Variants in GNAQ observed in about 807,000 individuals in gnomAD.
The protein encoded by GNAQ is G protein subunit alpha q.
A neutral mutation model predicts 43.9 loss-of-function variants in GNAQ; 8 were observed. The ratio of observed to expected loss-of-function variants is 0.18; its 90% CI spans 0.11 to 0.33. The LOEUF (loss-of-function observed/expected upper bound fraction) is 0.33, where lower values mean the gene tolerates loss of function less well. GNAQ is among the 10% of genes least tolerant of loss of function. The pLI is 1.00. For synonymous variants in GNAQ, 155 were observed against 170.7 expected, an observed-to-expected ratio of 0.91 and a Z score of 0.71; for missense variants, 158 against 450.8, an observed-to-expected ratio of 0.35 and a Z score of 5.88.
chr9:78,008,785 AT>A (rs1823738577), intron 1 of GNAQ, among the ~76,000 whole-genome samples: 1 of 151,980 alleles, frequency 6.6e-6, no homozygotes, highest in African/African-American at 2.4e-5. Context: ...CAGCCACCTA[AT>A]TTTTTGTATT....
intron 1 of GNAQ, among the ~76,000 whole-genome samples, chr9:77,999,954 A>G (rs1823623309): frequency 6.6e-6 from 1 of 152,228 alleles, no homozygotes. Context: ...GAGCCAAAAC[A>G]GGTTAATTTC....
At chr9:77,733,242 C>T (rs1825523260) in intron 5 of GNAQ, among the ~76,000 whole-genome samples, 1 of 152,174 alleles carries the variant, frequency 6.6e-6, no homozygotes, top group African/African-American at 2.4e-5. Flanking sequence ...TTTGAGCCAT[C>T]AGCAAAGGGT....
At chr9:77,945,209 T>A (rs1299155981) in intron 1 of GNAQ, among the ~76,000 whole-genome samples, 1 of 152,258 alleles carries the variant, frequency 6.6e-6, no homozygotes, top group African/African-American at 2.4e-5. Flanking sequence ...GATTTTCTTC[T>A]TTTAAGTGTT....
intron 1 of GNAQ, among the ~76,000 whole-genome samples, chr9:77,978,326 T>C (rs1337417533): frequency 6.6e-6 from 1 of 152,202 alleles, no homozygotes; most frequent in Non-Finnish European, 1.5e-5. Flanking sequence ...CTATTTTTAG[T>C]CCTTCAATTG....
intron 2 of GNAQ, among the ~76,000 whole-genome samples, chr9:77,861,195 C>T (rs1827844290): frequency 6.6e-6 from 1 of 152,162 alleles, no homozygotes. Flanking sequence ...CCAGTGTTTA[C>T]AACCATCAGT....
chr9:77,857,946 A>C (rs1431195926), intron 2 of GNAQ, among the ~76,000 whole-genome samples: 1 of 151,882 alleles, frequency 6.6e-6, no homozygotes, highest in African/African-American at 2.4e-5. Flanking sequence ...ATTTCCTTAC[A>C]AACTCCCCAA....
intron 3 of GNAQ, among the ~76,000 whole-genome samples, chr9:77,810,729 A>G (rs1165395866): frequency 1.3e-5 from 2 of 152,196 alleles, no homozygotes; most frequent in East Asian, 1.9e-4. Context: ...AATCACTTCT[A>G]TTATTTCATG....
At position 77,717,755 on chromosome 9, in the gene GNAQ, A is replaced by C. The variant is rs1564089452; in HGVS notation, c.*3568T>G. 1 of 232,040 alleles carries C rather than the reference A, an allele frequency of 4.3e-6. No homozygotes were observed. 14.4% of individuals were successfully genotyped at this position (232,040 alleles called of 1,614,324 possible). A position where few individuals can be genotyped will look rare whatever the true frequency, so the allele number is the denominator to read the frequency against. On this transcript the variant is annotated 3_prime_UTR_variant, in exon 7 of 7. Coordinates refer to ENST00000286548, the MANE Select transcript of GNAQ (RefSeq NM_002072.5). ...CCAAAAAAAAAAAAATACAAGTTTT[A>C]CGTGTTCTTCAGATTCCTTTTGTAG... is the stretch of plus-strand genomic sequence containing the variant.
chr9:77,731,442 T>G (rs1825487372), intron 5 of GNAQ, among the ~76,000 whole-genome samples: 1 of 152,012 alleles, frequency 6.6e-6, no homozygotes, highest in South Asian at 2.1e-4. Context: ...GCATGCAGTC[T>G]GGGGCTGCTC....
At chr9:77,855,150 A>G (rs1365057410) in intron 2 of GNAQ, among the ~76,000 whole-genome samples, 2 of 152,234 alleles carry the variant, frequency 1.3e-5, no homozygotes, top group African/African-American at 4.8e-5. Context: ...AGATGACATC[A>G]TAGTGAATAA....
At chr9:77,830,106 C>G (rs1827273205) in intron 2 of GNAQ, among the ~76,000 whole-genome samples, 1 of 152,164 alleles carries the variant, frequency 6.6e-6, no homozygotes, top group South Asian at 2.1e-4. Context: ...GCATGCGCCA[C>G]CATGGCTGAC....
intron 1 of GNAQ, among the ~76,000 whole-genome samples, chr9:78,007,484 C>T (rs780427218): frequency 2.6e-5 from 4 of 151,570 alleles, no homozygotes; most frequent in Non-Finnish European, 4.4e-5. Flanking sequence ...TGATTTACCA[C>T]GGGTTCTAAA....
intron 5 of GNAQ, among the ~76,000 whole-genome samples, chr9:77,763,579 A>C (rs1401694953): frequency 7.2e-5 from 11 of 152,244 alleles, no homozygotes; most frequent in Non-Finnish European, 1.0e-4. Flanking sequence ...ACTTTTCAGG[A>C]AGATAACTAT....
chr9:77,733,421 T>C (rs1441576708), intron 5 of GNAQ, among the ~76,000 whole-genome samples: 1 of 152,204 alleles, frequency 6.6e-6, no homozygotes, highest in African/African-American at 2.4e-5. Context: ...GCACTGTCTT[T>C]AATCTGAGCC....
chr9:77,991,350 A>C (rs1190238076), intron 1 of GNAQ, among the ~76,000 whole-genome samples: 2 of 152,158 alleles, frequency 1.3e-5, no homozygotes, highest in Admixed American at 6.5e-5. Flanking sequence ...AAGAGATACA[A>C]ACCACCGTGG....
rs551077375 is a variant in GNAQ at position 77,938,805 on chromosome 9, G to A, written c.137-16460C>T. Reference sequence around the variant, plus strand: ...TTTTCAGGGCATACAGGCTAGAAGCGCGATTCTGGAAAGCTTCTTCCTGGG... The same window carrying A: ...TTTTCAGGGCATACAGGCTAGAAGCACGATTCTGGAAAGCTTCTTCCTGGG... On this transcript the variant is annotated intron_variant, in intron 1 of 6. Coordinates refer to ENST00000286548, the MANE Select transcript of GNAQ (RefSeq NM_002072.5). Among the ~76,000 whole-genome samples, 8 of 152,334 alleles carry A rather than the reference G, an allele frequency of 5.3e-5. 1 individual carries two copies. The South Asian group carries it at 1.7e-3, about 32-fold the overall frequency.
At chr9:77,971,085 T>G (rs184394513) in intron 1 of GNAQ, among the ~76,000 whole-genome samples, 78 of 152,270 alleles carry the variant, frequency 5.1e-4, no homozygotes, top group Non-Finnish European at 2.9e-4. Context: ...CAGGAAGAAG[T>G]TGAATCCCTG....
At chr9:77,728,815 C>G (rs1825440934) in intron 5 of GNAQ, 148 bp from the exon 6 acceptor site, 1 of 601,300 alleles carries the variant, frequency 1.7e-6, no homozygotes, top group African/African-American at 1.8e-5. Flanking sequence ...GATTTATATG[C>G]AAATGATTCA....
chr9:77,890,121 GA>G (rs552788539), intron 2 of GNAQ, among the ~76,000 whole-genome samples: 115 of 152,072 alleles, frequency 7.6e-4, no homozygotes, highest in African/African-American at 2.7e-3. Context: ...TTTAAATTTT[GA>G]AATACTTTAT....
Sources: allele counts gnomAD v4.1 joint callset (sites outside exome capture counted in the v4.1 genomes callset), GRCh38; gene constraint gnomAD v4.1.1; transcripts MANE v1.5; gene names NCBI Gene and HGNC (gene_info 2026-07-23, HGNC 2026-07-21).